Variants in GSN observed in about 807,000 individuals in gnomAD.
The protein encoded by GSN is gelsolin.
A neutral mutation model predicts 85.7 loss-of-function variants in GSN; 56 were observed. The ratio of observed to expected loss-of-function variants is 0.65; its 90% CI spans 0.53 to 0.82. The LOEUF (loss-of-function observed/expected upper bound fraction) is 0.82. GSN is among the 40% of genes least tolerant of loss of function. The pLI is 0.00. For synonymous variants in GSN, 373 were observed against 399.1 expected (o/e 0.93, Z 0.78); for missense variants, 857 against 979.8 (o/e 0.87, Z 1.67).
chr9:121,283,841 G>T (rs2057726460), intron 2 of GSN: 1 of 167,154 alleles, frequency 6.0e-6, no homozygotes, highest in African/African-American at 2.4e-5. Context: ...TTGCTGTGAA[G>T]GAAACGATCA....
chr9:121,223,508 T>C (rs367776214), intron 4 of GSN, among the ~76,000 whole-genome samples: 3 of 152,140 alleles, frequency 2.0e-5, no homozygotes, highest in African/African-American at 7.2e-5. Context: ...TCACAATTTG[T>C]CACCAAAGTA....
At chr9:121,211,439 A>G (rs942459425) in intron 4 of GSN, among the ~76,000 whole-genome samples, 4 of 152,252 alleles carry the variant, frequency 2.6e-5, no homozygotes, top group African/African-American at 9.6e-5. Flanking sequence ...AATTTGGCTC[A>G]CACAACAGAT....
intron 2 of GSN, 128 bp from the exon 3 acceptor site, chr9:121,301,835 C>A: frequency 1.1e-5 from 17 of 1,485,704 alleles, no homozygotes; most frequent in Non-Finnish European, 1.4e-5. Flanking sequence ...ATAGACTTCC[C>A]TGGGGCGTGG....
At chr9:121,289,810 A>G (rs2058516554) in intron 2 of GSN, among the ~76,000 whole-genome samples, 1 of 152,140 alleles carries the variant, frequency 6.6e-6, no homozygotes, top group Non-Finnish European at 1.5e-5. Flanking sequence ...TTAGTGGGCA[A>G]TGAGACTGCA....
intron 16 of GSN, among the ~76,000 whole-genome samples, chr9:121,330,560 G>A (rs113901441): frequency 5.4e-4 from 82 of 152,320 alleles, no homozygotes; most frequent in Non-Finnish European, 9.6e-4. Flanking sequence ...GGGTGACAGA[G>A]TGAGACTCCG....
At chr9:121,326,876 G>A in intron 13 of GSN, 194 bp downstream of exon 13, 2 of 749,934 alleles carry the variant, frequency 2.7e-6, no homozygotes, top group East Asian at 2.5e-5. Context: ...GATACCCAGT[G>A]TCCCTTGCAC....
At position 121,312,195 on chromosome 9, in the gene GSN, C is replaced by A. The variant is rs554504924; in HGVS notation, c.514-144C>A. The A allele has an allele frequency of 3.6e-4, 284 of 796,980 alleles. 3 individuals are homozygous for A. In the South Asian group the frequency reaches 4.0e-3, roughly 11 times the overall value. 49.4% of individuals were successfully genotyped at this position (796,980 alleles called of 1,614,324 possible). On this transcript the variant is annotated intron_variant, in intron 5 of 17. Coordinates refer to ENST00000432226, the MANE Select transcript of GSN (RefSeq NM_198252.3). ...CACTTAATTGTACGTAAATAATGCA[C>A]GTGTGCAGACTGTGCCAGCCTTCAC...
At chr9:121,282,325 AG>A (rs1264294297) in intron 2 of GSN, 12 of 573,188 alleles carry the variant, frequency 2.1e-5, no homozygotes, top group African/African-American at 3.7e-5. Context: ...GATCACTACT[AG>A]GGGGAATCGC....
In GSN at chr9:121,299,808, G is replaced by T; in HGVS notation, c.-9-2155G>T. The T allele has an allele frequency of 7.8e-7, 1 of 1,289,646 alleles. No individual in the cohort carries two copies. Among genetic ancestry groups the T allele is most frequent in the Non-Finnish European group, 9.9e-7 (1 of 1,011,678 alleles). The allele number at this position is 1,289,646 out of a possible 1,614,324, so 79.9% of individuals were successfully genotyped here. On this transcript the variant is annotated intron_variant, in intron 2 of 17. Coordinates refer to ENST00000432226, the MANE Select transcript of GSN (RefSeq NM_198252.3). This position sits in a 1 kb window ranked among gnomAD's most constrained non-coding sequence, Gnocchi z 4.2. ...CGGGATGGGCGGGCGGCTACTTAAG[G>T]TCGGCGACCCGAGGCCGCGGCTGCC...
At chr9:121,286,243 G>A in intron 2 of GSN, 1 of 1,151,726 alleles carries the variant, frequency 8.7e-7, no homozygotes, top group Non-Finnish European at 1.2e-6. Context: ...GGGACGCCAG[G>A]GAGACCCGAG....
intron 4 of GSN, among the ~76,000 whole-genome samples, chr9:121,220,525 G>A (rs1300142451): frequency 1.3e-5 from 2 of 152,192 alleles, no homozygotes; most frequent in African/African-American, 2.4e-5. Context: ...ACTTTGCCAC[G>A]GTCACTCAGC....
chr9:121,261,989 G>A lies in GSN; in HGVS notation c.-340-3165G>A, dbSNP rs745706100. Among the ~76,000 whole-genome samples the A allele has an allele frequency of 1.5e-4, 23 of 152,056 alleles. No homozygotes were observed. Among genetic ancestry groups the A allele is most frequent in the Non-Finnish European group, 3.1e-4 (21 of 67,984 alleles). ...TTTTTTTGGTGTGGGTGTGTTTAAG[G>A]GATTTTATGAATTACTTTTTGTTTC... On this transcript the variant is annotated intron_variant, in intron 6 of 24. Transcript: ENST00000373823. This position sits in a 1 kb window ranked among gnomAD's most constrained non-coding sequence, Gnocchi z 4.1.
chr9:121,274,980 T>A (rs2056489576), intron 1 of GSN, among the ~76,000 whole-genome samples: 1 of 152,172 alleles, frequency 6.6e-6, no homozygotes. Context: ...CATGCTAAAT[T>A]TTGCCAAATT....
upstream of GSN, among the ~76,000 whole-genome samples, chr9:121,264,522 G>T (rs2055158583): frequency 6.6e-6 from 1 of 152,196 alleles, no homozygotes; most frequent in Admixed American, 6.5e-5. Flanking sequence ...CACTAAATCA[G>T]TTCTTAAGAA....
chr9:121,250,789 G>A (rs997614372), intron 6 of GSN, among the ~76,000 whole-genome samples: 1 of 151,070 alleles, frequency 6.6e-6, no homozygotes, highest in Admixed American at 6.6e-5. Context: ...CACCTGCCTC[G>A]GCCTCCCAAA....
chr9:121,250,202 C>CTTT (rs542805619), intron 6 of GSN, among the ~76,000 whole-genome samples: 10 of 127,528 alleles, frequency 7.8e-5, no homozygotes, highest in East Asian at 2.2e-4. Context: ...AGATCCTTCT[C>CTTT]TTTTTTTTTT....
rs148083681 is a variant in GSN at position 121,288,909 on chromosome 9, C to T, written c.-10+7347C>T. On this transcript the variant is annotated intron_variant, in intron 2 of 17. Transcript: ENST00000432226. ...GGCATGGGATGCCGCTAAAGGGAGA[C>T]ACACAGGACAAAGCAAGAGGAACGC... Among the ~76,000 whole-genome samples the T allele has an allele frequency of 2.6e-5, 4 of 152,306 alleles. No individual in the cohort carries two copies. In the East Asian group the frequency reaches 7.7e-4, roughly 29 times the overall value.
At chr9:121,271,813 A>G (rs1433201902) in intron 1 of GSN, among the ~76,000 whole-genome samples, 2 of 152,180 alleles carry the variant, frequency 1.3e-5, no homozygotes, top group African/African-American at 2.4e-5. Context: ...ATTTCAGGGA[A>G]TCCAGGCTCC....
chr9:121,301,028 G>A (rs1243072301), intron 2 of GSN, among the ~76,000 whole-genome samples: 1 of 152,204 alleles, frequency 6.6e-6, no homozygotes, highest in Non-Finnish European at 1.5e-5. Context: ...AACAGGCTGT[G>A]TGACCTTCGG....
Sources: gnomAD v4.1 joint callset for allele counts (sites outside exome capture counted in the v4.1 genomes callset) on GRCh38, gnomAD v4.1.1 for gene constraint, Gnocchi (gnomAD v3.1) non-coding constraint, MANE v1.5 for transcripts, NCBI Gene and HGNC (gene_info 2026-07-23, HGNC 2026-07-21) for gene names.